The following CEP63 variants were observed in gnomAD, a reference collection of about 807,000 sequenced individuals.
CEP63 encodes the protein centrosomal protein of 63 kDa.
CEP63 carries 84 observed loss-of-function variants against 89.1 expected under a neutral mutation model. The observed-to-expected ratio is 0.94, with a 90% CI of 0.79 to 1.13. The LOEUF (loss-of-function observed/expected upper bound fraction) is 1.13. Among genes scored for constraint, CEP63 ranks in the 50% most tolerant of loss-of-function variants. The probability of loss-of-function intolerance (pLI) is 0.00; values close to 1 mark genes in which losing one functional copy is unlikely to be tolerated. For missense variants in CEP63, 838 were observed against 813.3 expected, an observed-to-expected ratio of 1.03 and a Z score of -0.37; for synonymous variants, 267 against 272.5, an observed-to-expected ratio of 0.98 and a Z score of 0.20.
At chr3:134,560,824 T>A (rs1437167238) in intron 14 of CEP63, among the ~76,000 whole-genome samples, 1 of 152,214 alleles carries the variant, frequency 6.6e-6, no homozygotes, top group Non-Finnish European at 1.5e-5. Flanking sequence ...TGGGTGACTT[T>A]ATAGAACACA....
chr3:134,626,154 G>A, the CEP63 span, among the ~76,000 whole-genome samples: 3 of 152,198 alleles, frequency 2.0e-5, no homozygotes, highest in Non-Finnish European at 4.4e-5. Context: ...GATGGGGGTG[G>A]GAAGAAGTTG....
chr3:134,636,400 C>T, the CEP63 span, among the ~76,000 whole-genome samples: 1 of 152,188 alleles, frequency 6.6e-6, no homozygotes, highest in Non-Finnish European at 1.5e-5. Context: ...CCAATTAGCA[C>T]ATGCCAGAAG....
the CEP63 span, among the ~76,000 whole-genome samples, chr3:134,773,950 G>T: frequency 2.6e-5 from 4 of 152,180 alleles, no homozygotes. Flanking sequence ...TGAGAACAGG[G>T]ACCTTGGCTG....
rs959057649 is a variant in CEP63 at position 134,518,636 on chromosome 3, G to A, written c.222+11350G>A. On this transcript the variant is annotated intron_variant, in intron 3 of 14. Transcript: ENST00000675561. ...TCAAAACTTGTGGAATGCAGCTAAT[G>A]TGGTGCCTAGAATGTTAGCTATGTG... Among the ~76,000 whole-genome samples the A allele has an allele frequency of 3.3e-5, 5 of 152,154 alleles. No homozygotes were observed. In the East Asian group the frequency reaches 7.7e-4, roughly 23 times the overall value.
the CEP63 span, among the ~76,000 whole-genome samples, chr3:134,662,173 A>G: frequency 2.0e-5 from 3 of 152,120 alleles, no homozygotes; most frequent in East Asian, 5.8e-4. Context: ...GCTACCCAGG[A>G]GGCTGAGGTA....
At chr3:134,662,360 A>T in the CEP63 span, among the ~76,000 whole-genome samples, 1 of 152,132 alleles carries the variant, frequency 6.6e-6, no homozygotes, top group African/African-American at 2.4e-5. Context: ...TGCCACCTTC[A>T]TCTTGGATTT....
the CEP63 span, among the ~76,000 whole-genome samples, chr3:134,722,649 G>A: frequency 0.016 from 2,422 of 152,146 alleles, 53 homozygotes; most frequent in Non-Finnish European, 0.018. Context: ...TCTGAGAAAA[G>A]AGAACAATAA....
At chr3:134,754,096 A>G in the CEP63 span, among the ~76,000 whole-genome samples, 1 of 152,210 alleles carries the variant, frequency 6.6e-6, no homozygotes, top group African/African-American at 2.4e-5. Flanking sequence ...CCCTGAGCCC[A>G]AAGGACCTTC....
the CEP63 span, among the ~76,000 whole-genome samples, chr3:134,612,130 T>G: frequency 6.6e-6 from 1 of 152,132 alleles, no homozygotes; most frequent in Non-Finnish European, 1.5e-5. Flanking sequence ...GCTTGGAAGT[T>G]TTCTAGCCCC....
At chr3:134,717,267 C>G in the CEP63 span, among the ~76,000 whole-genome samples, 3 of 152,192 alleles carry the variant, frequency 2.0e-5, no homozygotes, top group African/African-American at 7.2e-5. Context: ...GCCATCCTGA[C>G]TGTGGAAACT....
chr3:134,699,336 C>T, the CEP63 span, among the ~76,000 whole-genome samples: 2 of 152,140 alleles, frequency 1.3e-5, no homozygotes, highest in South Asian at 2.1e-4. Flanking sequence ...CTGTAGGGCA[C>T]GCTGTGGCCT....
At chr3:134,603,271 G>GCAACAACAACAA in the CEP63 span, 4 of 225,936 alleles carry the variant, frequency 1.8e-5, no homozygotes, top group Non-Finnish European at 2.6e-5. Context: ...AACAACAACA[G>GCAACAACAACAA]CAGCAGCACT....
At chr3:134,676,694 T>TC in the CEP63 span, among the ~76,000 whole-genome samples, 1 of 151,972 alleles carries the variant, frequency 6.6e-6, no homozygotes, top group Admixed American at 6.6e-5. Context: ...AGAAACAGGA[T>TC]CCCATGATAT....
At chr3:134,781,696 T>C in the CEP63 span, among the ~76,000 whole-genome samples, 7 of 152,382 alleles carry the variant, frequency 4.6e-5, no homozygotes, top group South Asian at 1.5e-3. Flanking sequence ...CTTATTCTTA[T>C]TTGTTGCTGA....
At chr3:134,601,615 A>G in the CEP63 span, among the ~76,000 whole-genome samples, 3 of 151,854 alleles carry the variant, frequency 2.0e-5, no homozygotes, top group South Asian at 2.1e-4. Flanking sequence ...GCCTTTGTGC[A>G]TTTTTCAGGT....
chr3:134,581,352 G>A (rs771761413), intron 10 of CEP63, among the ~76,000 whole-genome samples: 14 of 152,074 alleles, frequency 9.2e-5, no homozygotes, highest in Non-Finnish European at 1.9e-4. Context: ...AGGCCAAGGC[G>A]GTGGATCACC....
chr3:134,559,532 T>A, intron 14 of CEP63, 103 bp downstream of exon 14: 1 of 966,752 alleles, frequency 1.0e-6, no homozygotes, highest in South Asian at 1.5e-5. Context: ...TTACTGATTC[T>A]TTTATCATAA....
At chr3:134,677,443 A>C in the CEP63 span, among the ~76,000 whole-genome samples, 1 of 152,090 alleles carries the variant, frequency 6.6e-6, no homozygotes, top group Non-Finnish European at 1.5e-5. Context: ...GGCCACATGC[A>C]GCAGGTGCAC....
At chr3:134,666,370 G>A in the CEP63 span, among the ~76,000 whole-genome samples, 1 of 152,206 alleles carries the variant, frequency 6.6e-6, no homozygotes, top group Non-Finnish European at 1.5e-5. Flanking sequence ...CGAGAAATCT[G>A]TATTTCTAAC....
Sources: allele counts gnomAD v4.1 joint callset (sites outside exome capture counted in the v4.1 genomes callset), GRCh38; gene constraint gnomAD v4.1.1; transcripts MANE v1.5; gene names NCBI Gene and HGNC (gene_info 2026-07-23, HGNC 2026-07-21).